Variants in OSBPL1A observed in about 807,000 individuals in gnomAD.
OSBPL1A encodes the protein oxysterol binding protein like 1A.
A neutral mutation model predicts 137.1 loss-of-function variants in OSBPL1A; 80 were observed. The ratio of observed to expected loss-of-function variants is 0.58; its 90% CI spans 0.49 to 0.70. OSBPL1A has a LOEUF of 0.70. Ranked by LOEUF, OSBPL1A falls within the 30% of genes least tolerant of loss-of-function variation. The pLI, the probability that OSBPL1A is intolerant of heterozygous loss-of-function variation, is 0.00. For missense variants in OSBPL1A, 970 were observed against 1,129.4 expected (o/e 0.86, Z 2.02); for synonymous variants, 365 against 389.7 (o/e 0.94, Z 0.75).
rs767895535 is a variant in OSBPL1A, at chr18:24,311,876, G to A, written c.1092+108C>T. ...AGTGAAGAACAGTACTATTTCTATT[G>A]TTGTCAGAAATCATAATTTCAAAAC... On this transcript the variant is annotated intron_variant, in intron 13 of 27. Transcript: ENST00000319481. The A allele has an allele frequency of 9.7e-4, 1,236 of 1,269,694 alleles. 2 individuals carry two copies. Among genetic ancestry groups the A allele is most frequent in the Non-Finnish European group, 1.1e-3 (1,006 of 894,114 alleles). The allele number at this position is 1,269,694 out of a possible 1,614,324, so 78.7% of individuals were successfully genotyped here.
intron 14 of OSBPL1A, among the ~76,000 whole-genome samples, chr18:24,296,927 C>A (rs8094269): frequency 5.3e-5 from 8 of 152,004 alleles, no homozygotes; most frequent in African/African-American, 1.9e-4. Flanking sequence ...GATTTTTGCA[C>A]CTATGTTCAT....
intron 12 of OSBPL1A, among the ~76,000 whole-genome samples, chr18:24,313,260 G>A (rs376201883): frequency 3.3e-5 from 5 of 151,608 alleles, no homozygotes; most frequent in Non-Finnish European, 4.4e-5. Context: ...GACGAACGTG[G>A]TGAAACCCTG....
At chr18:24,176,332 T>G (rs1254973562) in intron 21 of OSBPL1A, among the ~76,000 whole-genome samples, 1 of 152,344 alleles carries the variant, frequency 6.6e-6, no homozygotes, top group Non-Finnish European at 1.5e-5. Context: ...AGGTAATTCT[T>G]GATTACTTTC....
intron 4 of OSBPL1A, among the ~76,000 whole-genome samples, chr18:24,362,533 A>G (rs947891638): frequency 1.3e-5 from 2 of 152,244 alleles, no homozygotes; most frequent in Admixed American, 6.5e-5. Flanking sequence ...TCATTAGAAT[A>G]ATGAAAAGTG....
intron 21 of OSBPL1A, among the ~76,000 whole-genome samples, chr18:24,175,974 T>C (rs758712778): frequency 1.3e-5 from 2 of 152,220 alleles, no homozygotes; most frequent in Non-Finnish European, 2.9e-5. Context: ...AATTTCTGGA[T>C]TCCCTTCCCC....
At chr18:24,395,955 C>T (rs1197497298) in intron 1 of OSBPL1A, among the ~76,000 whole-genome samples, 1 of 149,248 alleles carries the variant, frequency 6.7e-6, no homozygotes, top group African/African-American at 2.5e-5. Flanking sequence ...ATCTGTGGCT[C>T]ACACCTGTAA....
chr18:24,197,276 G>A lies in OSBPL1A; in HGVS notation c.1602-1076C>T, dbSNP rs770832931. Among the ~76,000 whole-genome samples the A allele has an allele frequency of 3.3e-5, 5 of 152,140 alleles. No homozygotes were observed. The South Asian group carries it at 6.2e-4, about 19-fold the overall frequency. ...ACAGGAGAATCACTTGAACACGTGA[G>A]GCGGAGGTTGCAGTGAGCCGAGGTC... On this transcript the variant is annotated intron_variant, in intron 17 of 27. Coordinates refer to ENST00000319481, the MANE Select transcript of OSBPL1A (RefSeq NM_080597.4).
chr18:24,265,886 T>C (rs1474645642), intron 15 of OSBPL1A, among the ~76,000 whole-genome samples: 2 of 152,208 alleles, frequency 1.3e-5, no homozygotes, highest in Non-Finnish European at 2.9e-5. Context: ...CACCTACTGC[T>C]TCCCATCGGG....
intron 4 of OSBPL1A, among the ~76,000 whole-genome samples, chr18:24,365,690 C>T (rs1018689755): frequency 2.0e-5 from 3 of 151,838 alleles, no homozygotes; most frequent in African/African-American, 7.3e-5. Context: ...TGAATATAAA[C>T]AGGCATGAGG....
intron 16 of OSBPL1A, among the ~76,000 whole-genome samples, chr18:24,233,520 T>C (rs918651252): frequency 2.6e-5 from 4 of 152,204 alleles, no homozygotes; most frequent in African/African-American, 9.6e-5. Flanking sequence ...GAAACATCAA[T>C]GACATTTCTT....
At chr18:24,310,432 CAAAAA>C (rs3039412) in intron 13 of OSBPL1A, among the ~76,000 whole-genome samples, 58 of 89,724 alleles carry the variant, frequency 6.5e-4, no homozygotes, top group Admixed American at 3.5e-3. Flanking sequence ...ACTAAAAATA[CAAAAA>C]AAAAAAAAAA....
In OSBPL1A at chr18:24,318,584, AAACCACCTC is replaced by A. The variant is rs1317778567; in HGVS notation, c.732+8_732+16del. On this transcript the variant is annotated splice_region_variant and intron_variant, in intron 9 of 27. Transcript: ENST00000319481. ...TATTCTTTACAGTTATATAATTAAAAAACCACCTCAACTTACCTTCCAGAGAGGGCCCTC... is the reference window on the plus strand; with the variant it reads ...TATTCTTTACAGTTATATAATTAAAAAACTTACCTTCCAGAGAGGGCCCTC... 1 of 1,596,876 alleles carries A rather than the reference AAACCACCTC, an allele frequency of 6.3e-7. No homozygotes were observed. The highest frequency in any genetic ancestry group is 1.1e-5 in the South Asian group (1 of 88,228).
chr18:24,178,883 C>T (rs1028006322), intron 20 of OSBPL1A, among the ~76,000 whole-genome samples: 5 of 151,980 alleles, frequency 3.3e-5, no homozygotes, highest in South Asian at 4.1e-4. Context: ...AAAACTAAAG[C>T]CAAATAAAGT....
chr18:24,206,883 G>C (rs965787695), intron 17 of OSBPL1A, among the ~76,000 whole-genome samples: 1 of 152,064 alleles, frequency 6.6e-6, no homozygotes, highest in Non-Finnish European at 1.5e-5. Flanking sequence ...GCCACTCAGA[G>C]TGTAATCCCC....
intron 2 of OSBPL1A, 100 bp downstream of exon 2, chr18:24,377,313 G>A (rs191734729): frequency 2.8e-5 from 38 of 1,361,570 alleles, no homozygotes; most frequent in Non-Finnish European, 2.5e-5. Flanking sequence ...ATGAGAGATA[G>A]AGATTAATTA....
chr18:24,225,264 C>A, intron 16 of OSBPL1A, 66 bp from the exon 17 acceptor site: 2 of 1,563,714 alleles, frequency 1.3e-6, no homozygotes, highest in Non-Finnish European at 8.8e-7. Context: ...AACAATGGAT[C>A]CCTCCCTTCA....
chr18:24,207,518 A>T (rs2087409699), intron 17 of OSBPL1A, among the ~76,000 whole-genome samples: 1 of 152,246 alleles, frequency 6.6e-6, no homozygotes, highest in Non-Finnish European at 1.5e-5. Flanking sequence ...ATTGATCTGT[A>T]TATTTAGAAA....
intron 4 of OSBPL1A, chr18:24,357,245 G>A (rs947678542): frequency 6.6e-6 from 1 of 152,158 alleles, no homozygotes; most frequent in African/African-American, 2.4e-5. Flanking sequence ...ATATTGAGAA[G>A]TACACAATTT....
intron 14 of OSBPL1A, 139 bp from the exon 15 acceptor site, chr18:24,281,087 C>CTT (rs371196234): frequency 1.3e-5 from 7 of 535,066 alleles, no homozygotes; most frequent in Admixed American, 4.0e-5. Context: ...TGTTTCTTTT[C>CTT]TTTTTTTTTG....
Sources: allele counts gnomAD v4.1 joint callset (sites outside exome capture counted in the v4.1 genomes callset), GRCh38; gene constraint gnomAD v4.1.1; transcripts MANE v1.5; gene names NCBI Gene and HGNC (gene_info 2026-07-23, HGNC 2026-07-21).